ERC1: variants seen among roughly 807,000 people sequenced by gnomAD.
The protein encoded by ERC1 is ELKS/RAB6-interacting/CAST family member 1.
ERC1 carries 56 observed loss-of-function variants against 132.0 expected under a neutral mutation model. The ratio of observed to expected loss-of-function variants is 0.42; its 90% CI spans 0.34 to 0.53. The LOEUF (loss-of-function observed/expected upper bound fraction) is 0.53, where lower values mean the gene tolerates loss of function less well. ERC1 is among the 20% of genes least tolerant of loss of function. The pLI, the probability that ERC1 is intolerant of heterozygous loss-of-function variation, is 0.03. For synonymous variants in ERC1, 478 were observed against 476.1 expected (o/e 1.00, Z -0.05); for missense variants, 1,202 against 1,349.9 (o/e 0.89, Z 1.72).
intron 18 of ERC1, among the ~76,000 whole-genome samples, chr12:1,464,841 G>A (rs1249361976): frequency 6.6e-6 from 1 of 151,716 alleles, no homozygotes; most frequent in Non-Finnish European, 1.5e-5. Flanking sequence ...TTTTAATCTA[G>A]TTTTTATTAG....
At chr12:1,285,828 C>A (rs2079006257) in intron 14 of ERC1, among the ~76,000 whole-genome samples, 1 of 152,148 alleles carries the variant, frequency 6.6e-6, no homozygotes, top group Non-Finnish European at 1.5e-5. Flanking sequence ...CAAAACTTTA[C>A]AAGTTAATAC....
At chr12:1,130,240 T>A (rs1948623152) in intron 7 of ERC1, among the ~76,000 whole-genome samples, 1 of 152,154 alleles carries the variant, frequency 6.6e-6, no homozygotes, top group Non-Finnish European at 1.5e-5. Flanking sequence ...GACTCATGCC[T>A]ATAATTCCAG....
intron 18 of ERC1, among the ~76,000 whole-genome samples, chr12:1,465,266 A>T (rs1189879437): frequency 6.6e-6 from 1 of 152,248 alleles, no homozygotes; most frequent in Non-Finnish European, 1.5e-5. Flanking sequence ...AGCCAGTGGG[A>T]CTAGAAACTG....
rs545966960 is a variant in ERC1 at position 1,494,942 on chromosome 12, A to T, written c.*4712A>T. On this transcript the variant is annotated 3_prime_UTR_variant, in exon 19 of 19. Coordinates refer to ENST00000360905, the MANE Select transcript of ERC1 (RefSeq NM_178040.4). ...TGGGCTGGCGGCTTAGGAAGCATGG[A>T]GCACACTTAGGGTAGTGCCTGCCTG... 4 of 230,824 alleles carry T rather than the reference A, an allele frequency of 1.7e-5. No homozygotes were observed. Among genetic ancestry groups the T allele is most frequent in the African/African-American group, 6.6e-5 (3 of 45,308 alleles). 14.3% of individuals were successfully genotyped at this position (230,824 alleles called of 1,614,324 possible).
chr12:1,110,409 A>C (rs1593355007), intron 5 of ERC1, 62 bp downstream of exon 5: 8 of 1,397,128 alleles, frequency 5.7e-6, no homozygotes, highest in East Asian at 2.4e-5. Context: ...CATATTTTTT[A>C]CTTCTCTAGT....
Position 1,312,382 on chromosome 12 carries a change from A to AT in ERC1, c.2780+22380dup, listed in dbSNP as rs368125784. Among the ~76,000 whole-genome samples the AT allele has an allele frequency of 7.0e-4, 105 of 150,332 alleles. 1 individual carries two copies. Among genetic ancestry groups the AT allele is most frequent in the Non-Finnish European group, 1.2e-3 (84 of 67,410 alleles). ...ATTTGTTTCTCAGAGAAGTAAAGCA[A>AT]TTTTTTTTTTCCTCTGTCACCCAGG... On this transcript the variant is annotated intron_variant, in intron 15 of 18. Transcript: ENST00000360905.
At chr12:1,138,704 A>G (rs566638832) in intron 7 of ERC1, among the ~76,000 whole-genome samples, 1 of 152,290 alleles carries the variant, frequency 6.6e-6, no homozygotes, top group African/African-American at 2.4e-5. Context: ...TATTCAGAGA[A>G]TGGCAGTACT....
intron 12 of ERC1, chr12:1,204,592 T>G: frequency 7.8e-7 from 1 of 1,288,130 alleles, no homozygotes; most frequent in Non-Finnish European, 1.1e-6. Flanking sequence ...TACAGGGAAC[T>G]GAACATATTT....
chr12:1,432,629 A>G (rs1305111722), intron 17 of ERC1, among the ~76,000 whole-genome samples: 4 of 152,268 alleles, frequency 2.6e-5, no homozygotes, highest in Admixed American at 6.5e-5. Flanking sequence ...GAACTTAACT[A>G]TGTGGCAGGC....
At chr12:1,212,060 A>G (rs1957931635) in intron 12 of ERC1, among the ~76,000 whole-genome samples, 2 of 151,732 alleles carry the variant, frequency 1.3e-5, no homozygotes, top group Admixed American at 6.6e-5. Context: ...CCTCCTGTCC[A>G]CTCTCATTAT....
chr12:1,231,594 A>G (rs2075042406), intron 12 of ERC1, among the ~76,000 whole-genome samples: 1 of 151,714 alleles, frequency 6.6e-6, no homozygotes, highest in African/African-American at 2.4e-5. Context: ...CTTATAAGGC[A>G]GGTCTAGTGC....
Position 1,493,100 on chromosome 12 carries a change from A to T in ERC1, c.*2870A>T. ...GATCCCAACGGGGTTTTGTAACTGA[A>T]GAAGCCCAGTGTGAGCTTCTCATCT... On this transcript the variant is annotated 3_prime_UTR_variant, in exon 19 of 19. Transcript: ENST00000360905. 4.6e-6 allele frequency: 1 copy of T among 219,290 alleles called. No homozygotes were observed. Among genetic ancestry groups the T allele is most frequent in the Middle Eastern group, 1.4e-3 (1 of 724 alleles). 13.6% of individuals were successfully genotyped at this position (219,290 alleles called of 1,614,324 possible).
chr12:1,379,178 T>C (rs1209388130), intron 16 of ERC1, among the ~76,000 whole-genome samples: 1 of 152,218 alleles, frequency 6.6e-6, no homozygotes, highest in Non-Finnish European at 1.5e-5. Flanking sequence ...TATTTTCCTC[T>C]CACGTTTTAC....
At chr12:1,068,440 C>G (rs902010087) in intron 2 of ERC1, among the ~76,000 whole-genome samples, 1 of 151,876 alleles carries the variant, frequency 6.6e-6, no homozygotes, top group Non-Finnish European at 1.5e-5. Context: ...CTGGCCCTTT[C>G]TTATTTATTA....
rs553581613 is a variant in ERC1 at position 1,408,049 on chromosome 12, A to C, written c.2926-100A>C. The stretch of plus-strand genomic sequence containing the variant: ...AGTTTATTTTATTGCAGACAGGATT[A>C]GTTTTATCCTTTCTTATGGAACTCT... On this transcript the variant is annotated intron_variant, in intron 16 of 18. Coordinates refer to ENST00000360905, the MANE Select transcript of ERC1 (RefSeq NM_178040.4). 8.1e-6 allele frequency: 6 copies of C among 742,470 alleles called. No individual in the cohort carries two copies. In the South Asian group the frequency reaches 8.7e-5, roughly 11 times the overall value. The allele number at this position is 742,470 out of a possible 1,614,324, so 46.0% of individuals were successfully genotyped here.
At chr12:1,198,972 A>G (rs1430252260) in intron 12 of ERC1, among the ~76,000 whole-genome samples, 2 of 123,644 alleles carry the variant, frequency 1.6e-5, no homozygotes, top group Admixed American at 7.7e-5. Flanking sequence ...GGGACAAACC[A>G]CCGTCATGAC....
chr12:1,305,970 C>T (rs2080853706), intron 15 of ERC1, among the ~76,000 whole-genome samples: 1 of 152,174 alleles, frequency 6.6e-6, no homozygotes, highest in Non-Finnish European at 1.5e-5. Flanking sequence ...ACTTCCTGCT[C>T]TTCATCTCTA....
chr12:1,118,214 C>G (rs1163320832), intron 7 of ERC1, among the ~76,000 whole-genome samples: 1 of 152,184 alleles, frequency 6.6e-6, no homozygotes, highest in African/African-American at 2.4e-5. Context: ...TCCAAGTTTG[C>G]TACTGTAATA....
At chr12:1,055,720 G>C (rs1247405547) in intron 2 of ERC1, among the ~76,000 whole-genome samples, 1 of 152,194 alleles carries the variant, frequency 6.6e-6, no homozygotes, top group Non-Finnish European at 1.5e-5. Flanking sequence ...ACTGCTGGAT[G>C]GTTCTGCCAC....
Sources: allele counts gnomAD v4.1 joint callset (sites outside exome capture counted in the v4.1 genomes callset), GRCh38; gene constraint gnomAD v4.1.1; transcripts MANE v1.5; gene names NCBI Gene and HGNC (gene_info 2026-07-23, HGNC 2026-07-21).